TOGARAM1: variants seen among roughly 807,000 people sequenced by gnomAD.
TOGARAM1 encodes the protein TOG array regulator of axonemal microtubules protein 1.
TOGARAM1 carries 100 observed loss-of-function variants against 166.6 expected under a neutral mutation model. The ratio of observed to expected loss-of-function variants is 0.60; its 90% confidence interval spans 0.51 to 0.71. TOGARAM1 has a LOEUF of 0.71. TOGARAM1 is among the 30% of genes least tolerant of loss of function. The pLI is 0.00. For synonymous variants in TOGARAM1, 758 were observed against 763.8 expected (o/e 0.99, Z 0.13); for missense variants, 2,029 against 2,102.7 (o/e 0.96, Z 0.69).
At chr14:44,998,765 T>C (rs1378563109) in intron 2 of TOGARAM1, among the ~76,000 whole-genome samples, 1 of 152,196 alleles carries the variant, frequency 6.6e-6, no homozygotes, top group Non-Finnish European at 1.5e-5. Context: ...AATAGATGGA[T>C]AAACTAAACG....
intron 7 of TOGARAM1, among the ~76,000 whole-genome samples, chr14:45,015,320 A>AAAT (rs1292699343): frequency 7.6e-6 from 1 of 131,718 alleles, no homozygotes; most frequent in Non-Finnish European, 1.6e-5. Flanking sequence ...ATAAATAAAT[A>AAAT]AATAAATAAA....
intron 1 of TOGARAM1, among the ~76,000 whole-genome samples, chr14:44,973,694 C>T (rs570257404): frequency 9.9e-5 from 15 of 151,496 alleles, no homozygotes; most frequent in Non-Finnish European, 1.8e-4. Context: ...GCAGGTCTTA[C>T]TAACAACAAC....
In TOGARAM1 at chr14:45,027,186, C is replaced by T. The variant is rs544865259; in HGVS notation, c.3329-113C>T. The stretch of plus-strand genomic sequence containing the variant: ...TTTTATAATTATTTAGCATGTTTTT[C>T]TTACTAACTGTGTTGTTTGATTCTT... On this transcript the variant is annotated intron_variant, in intron 8 of 19. Transcript: ENST00000361462. 1.3e-4 allele frequency: 127 copies of T among 973,102 alleles called. 1 individual carries two copies. The South Asian group carries it at 2.0e-3, about 15-fold the overall frequency. 60.3% of individuals were successfully genotyped at this position (973,102 alleles called of 1,614,324 possible). A position where few individuals can be genotyped will look rare whatever the true frequency, so the allele number is the denominator to read the frequency against.
chr14:44,962,422 A>ATGGC lies in TOGARAM1; in HGVS notation c.2_5dup (p.Ala3_?2). ...AACCACCACCACCTGACAACCCTGC[A>ATGGC]TGGCGGCTGCCCCCTCCGCGCTGCT... On this transcript the variant is annotated frameshift_variant and start_lost, in exon 1 of 20. Coordinates refer to ENST00000361462, the MANE Select transcript of TOGARAM1 (RefSeq NM_001308120.2). LOFTEE classifies it high-confidence loss of function. 6.4e-7 allele frequency: 1 copy of ATGGC among 1,553,286 alleles called. No individual in the cohort carries two copies. The highest frequency in any genetic ancestry group is 1.2e-5 in the South Asian group (1 of 82,262).
rs1384444225 is a variant in TOGARAM1, at chr14:45,073,370, T to C, written c.5131T>C (p.Leu1711=). The change falls in exon 20 of 20, where the codon TTA becomes CTA. Residue 1711 remains leucine (L), a synonymous_variant. Transcript: ENST00000361462. ...AGTGTTGGTTGTTTTATGGCATCTCTTAGGAAATATGACAAATAGTGGCTC... is the reference window on the plus strand; with the variant it reads ...AGTGTTGGTTGTTTTATGGCATCTCCTAGGAAATATGACAAATAGTGGCTC... ...QKVLVVLWHL[L]GNMTNSGSLP... The C allele has an allele frequency of 6.2e-7, 1 of 1,614,154 alleles. No homozygotes were observed. Among genetic ancestry groups the C allele is most frequent in the East Asian group, 2.2e-5 (1 of 44,880 alleles).
At position 44,999,461 on chromosome 14, in the gene TOGARAM1, C is replaced by A. The variant is rs781383925; in HGVS notation, c.2302C>A (p.Gln768Lys). The change falls in exon 3 of 20, where the codon CAA becomes AAA. Residue 768 changes from glutamine to lysine, a missense_variant. Coordinates refer to ENST00000361462, the MANE Select transcript of TOGARAM1 (RefSeq NM_001308120.2). ...AACTGGCAGTGTGGGTTCTGACTTACAATTCCTAGGGACAACTAGCAGTCA... is the reference window on the plus strand; with the variant it reads ...AACTGGCAGTGTGGGTTCTGACTTAAAATTCCTAGGGACAACTAGCAGTCA... ...GKTGSVGSDL[Q>K]FLGTTSSHQE... is the part of the protein sequence containing the mutation. 6.8e-6 allele frequency: 11 copies of A among 1,611,930 alleles called. No homozygotes were observed. Among genetic ancestry groups the A allele is most frequent in the Non-Finnish European group, 8.5e-6 (10 of 1,178,782 alleles).
At chr14:45,068,769 A>G (rs1883250990) in intron 18 of TOGARAM1, 126 bp downstream of exon 18, 2 of 609,662 alleles carry the variant, frequency 3.3e-6, no homozygotes, top group Admixed American at 3.8e-5. Flanking sequence ...ATATTATCAT[A>G]AAACTTTCTA....
At chr14:44,965,264 C>G (rs562893182) in intron 1 of TOGARAM1, among the ~76,000 whole-genome samples, 1 of 152,136 alleles carries the variant, frequency 6.6e-6, no homozygotes, top group East Asian at 1.9e-4. Context: ...CTAAGACTAT[C>G]AGTAGTAATT....
chr14:45,062,565 A>T (rs1178925677), intron 16 of TOGARAM1, among the ~76,000 whole-genome samples: 1 of 152,184 alleles, frequency 6.6e-6, no homozygotes, highest in Non-Finnish European at 1.5e-5. Flanking sequence ...CCAACTTAGG[A>T]TCGTTCAACT....
Position 45,073,377 on chromosome 14 carries a change from A to G in TOGARAM1, c.5138A>G (p.Asn1713Ser), listed in dbSNP as rs1340305487. 1.2e-6 allele frequency: 2 copies of G among 1,614,202 alleles called. No individual in the cohort carries two copies. The highest frequency in any genetic ancestry group is 1.7e-6 in the Non-Finnish European group (2 of 1,180,020). Residue 1713 changes from asparagine to serine, a missense_variant, in exon 20 of 20, where the codon AAT becomes AGT. Coordinates refer to ENST00000361462, the MANE Select transcript of TOGARAM1 (RefSeq NM_001308120.2). ...VLVVLWHLLG[N>S]MTNSGSLPGA... is the part of the protein sequence containing the mutation. ...GTTGTTTTATGGCATCTCTTAGGAA[A>G]TATGACAAATAGTGGCTCTCTGCCT...
Position 45,046,648 on chromosome 14 carries a change from G to T in TOGARAM1, c.4258G>T (p.Glu1420Ter). The change falls in exon 14 of 20, where the codon GAA becomes TAA. Residue 1420 changes from glutamate (E) to a stop codon, truncating the protein, a stop_gained. Coordinates refer to ENST00000361462, the MANE Select transcript of TOGARAM1 (RefSeq NM_001308120.2). LOFTEE classifies it high-confidence loss of function. ...TTTATCTGCAGCAAAGGATATGGCTGAACGCATATTACCAGCTGCTGCTAA... is the reference window on the plus strand; with the variant it reads ...TTTATCTGCAGCAAAGGATATGGCTTAACGCATATTACCAGCTGCTGCTAA... ...RILSAAKDMA[E>*]RILPAAAKFA... is the part of the protein sequence containing the mutation. 7.3e-7 allele frequency: 1 copy of T among 1,371,724 alleles called. No homozygotes were observed. Among genetic ancestry groups the T allele is most frequent in the Non-Finnish European group, 9.5e-7 (1 of 1,054,892 alleles). 85.0% of individuals were successfully genotyped at this position (1,371,724 alleles called of 1,614,324 possible).
At chr14:44,987,897 C>T (rs1298768366) in intron 1 of TOGARAM1, among the ~76,000 whole-genome samples, 1 of 150,946 alleles carries the variant, frequency 6.6e-6, no homozygotes, top group East Asian at 1.9e-4. Context: ...AAATGTGGCA[C>T]ATATACACCA....
intron 1 of TOGARAM1, among the ~76,000 whole-genome samples, chr14:44,993,210 A>T (rs894247233): frequency 1.3e-5 from 2 of 151,918 alleles, no homozygotes; most frequent in South Asian, 2.1e-4. Context: ...ATCACCTGAG[A>T]TGGGGAAGGT....
intron 7 of TOGARAM1, among the ~76,000 whole-genome samples, chr14:45,017,406 AACACACACACACAC>A (rs113544622): frequency 6.9e-6 from 1 of 145,136 alleles, no homozygotes; most frequent in Non-Finnish European, 1.5e-5. Context: ...ATGCACACAA[AACACACACACACAC>A]ACACACACAC....
intron 1 of TOGARAM1, among the ~76,000 whole-genome samples, chr14:44,976,834 T>G (rs1886223391): frequency 6.6e-6 from 1 of 152,208 alleles, no homozygotes; most frequent in Non-Finnish European, 1.5e-5. Flanking sequence ...TGGTCCTATA[T>G]TCTTACAGTT....
chr14:44,963,952 C>T lies in TOGARAM1; in HGVS notation c.1531C>T (p.Leu511=), dbSNP rs3742591. 23 of 1,614,100 alleles carry T rather than the reference C, an allele frequency of 1.4e-5. No individual in the cohort carries two copies. The South Asian group carries it at 1.5e-4, about 11-fold the overall frequency. Residue 511 remains leucine, a synonymous_variant, in exon 1 of 20, where the codon CTG becomes TTG. Coordinates refer to ENST00000361462, the MANE Select transcript of TOGARAM1 (RefSeq NM_001308120.2). ...TAGTGAGGATTTTGACTTGCCCAAA[C>T]TGTCCTTTGATCTTGCCCCAGCTCT... is the stretch of plus-strand genomic sequence containing the variant. ...YPSEDFDLPK[L]SFDLAPALVD...
At chr14:44,968,496 C>T (rs1461061552) in intron 1 of TOGARAM1, among the ~76,000 whole-genome samples, 2 of 152,218 alleles carry the variant, frequency 1.3e-5, no homozygotes, top group Non-Finnish European at 2.9e-5. Flanking sequence ...GATCTGCCCG[C>T]CTCGGCCTCC....
Position 45,027,473 on chromosome 14 carries a change from A to G in TOGARAM1, c.3503A>G (p.Asp1168Gly). Residue 1168 changes from aspartate to glycine, a missense_variant and splice_region_variant, in exon 9 of 20, where the codon GAT becomes GGT. Asp to Gly is a moderately conservative substitution (Grantham distance 94). Transcript: ENST00000361462. ...TATCTTGATGTTGAGAATGAAAAAGATGTAAGGTTATTTGCTAATTATTAG... is the reference window on the plus strand; with the variant it reads ...TATCTTGATGTTGAGAATGAAAAAGGTGTAAGGTTATTTGCTAATTATTAG... ...SSYLDVENEKDAKVSISKSTY... is the reference protein window; with the variant it reads ...SSYLDVENEKGAKVSISKSTY... 1.2e-6 allele frequency: 2 copies of G among 1,600,648 alleles called. No individual in the cohort carries two copies. Among genetic ancestry groups the G allele is most frequent in the Non-Finnish European group, 1.7e-6 (2 of 1,172,818 alleles).
chr14:44,995,523 TG>T (rs1887369609), intron 1 of TOGARAM1: 1 of 537,694 alleles, frequency 1.9e-6, no homozygotes, highest in African/African-American at 1.9e-5. Flanking sequence ...AGTAAAGGGT[TG>T]GGGTGAAGTA....
Sources: allele counts gnomAD v4.1 joint callset (sites outside exome capture counted in the v4.1 genomes callset), GRCh38; gene constraint gnomAD v4.1.1; transcripts MANE v1.5; gene names NCBI Gene and HGNC (gene_info 2026-07-23, HGNC 2026-07-21).